The following SYCE2 variants were observed in gnomAD, a reference collection of about 807,000 sequenced individuals.
SYCE2 encodes central element synaptonemal complex 1.
In SYCE2, 3 loss-of-function variants were observed where a neutral mutation model predicts 27.9. The observed-to-expected ratio is 0.11, with a 90% CI of 0.05 to 0.28. SYCE2 has a LOEUF of 0.28. Among genes scored for constraint, SYCE2 ranks in the 10% least tolerant of loss-of-function variants. The probability of loss-of-function intolerance (pLI) is 1.00; values close to 1 mark genes in which losing one functional copy is unlikely to be tolerated. For missense variants in SYCE2, 207 were observed against 263.5 expected, an observed-to-expected ratio of 0.79 and a Z score of 1.48; for synonymous variants, 85 against 100.7, an observed-to-expected ratio of 0.84 and a Z score of 0.93.
At chr19:12,914,850 CCATCTACCT>C (rs1244328307) in intron 2 of SYCE2, among the ~76,000 whole-genome samples, 7 of 152,178 alleles carry the variant, frequency 4.6e-5, no homozygotes, top group Non-Finnish European at 1.0e-4. Context: ...CTCAGGTGAT[CCATCTACCT>C]CGAACTCCCA....
intron 3 of SYCE2, among the ~76,000 whole-genome samples, chr19:12,901,296 A>G (rs910434517): frequency 6.6e-6 from 1 of 152,022 alleles, no homozygotes. Flanking sequence ...GAATTGCTTG[A>G]ACCTGGGAGG....
rs182056038 is a variant in SYCE2, at chr19:12,904,143, C to T, written c.306+349G>A. Among the ~76,000 whole-genome samples the T allele has an allele frequency of 3.8e-3, 575 of 152,284 alleles. 2 individuals carry two copies. The highest frequency in any genetic ancestry group is 0.013 in the African/African-American group (550 of 41,562). ...GGGCTGCGTGTTGGAGGCAGGAGGG[C>T]ATCCAACGCCCCGCTCCCTCAGCCT... On this transcript the variant is annotated intron_variant, in intron 3 of 5. Coordinates refer to ENST00000293695, the MANE Select transcript of SYCE2 (RefSeq NM_001105578.2).
At chr19:12,904,454 AT>A (rs1568434384) in intron 3 of SYCE2, 37 bp downstream of exon 3, 1 of 1,612,536 alleles carries the variant, frequency 6.2e-7, no homozygotes, top group Non-Finnish European at 8.5e-7. Context: ...CCCCTTTTGC[AT>A]AAGGAATCCC....
rs1010187021 is a variant in SYCE2 at position 12,898,889 on chromosome 19, A to T, written c.*452T>A. ...AGGAGCTGGGGAGGAGCAAAGGATG[A>T]GACACCAGGGCATGGGGTGTGGGAT... On this transcript the variant is annotated 3_prime_UTR_variant, in exon 6 of 6. Transcript: ENST00000293695. 1.0e-5 allele frequency: 2 copies of T among 195,342 alleles called. No individual in the cohort carries two copies. The highest frequency in any genetic ancestry group is 2.4e-5 in the African/African-American group (1 of 42,538). 12.1% of individuals were successfully genotyped at this position (195,342 alleles called of 1,614,324 possible). A position where few individuals can be genotyped will look rare whatever the true frequency, so the allele number is the denominator to read the frequency against.
Position 12,904,352 on chromosome 19 carries a change from C to G in SYCE2, c.306+140G>C. 3 of 965,548 alleles carry G rather than the reference C, an allele frequency of 3.1e-6. No homozygotes were observed. In the South Asian group the frequency reaches 4.8e-5, roughly 15 times the overall value. The allele number at this position is 965,548 out of a possible 1,614,324, so 59.8% of individuals were successfully genotyped here. ...TCACAATGGGTTTATTGGGACGTAG[C>G]CCCATCATAAGTGGAGGAGCTCCTG... On this transcript the variant is annotated intron_variant, in intron 3 of 5. Coordinates refer to ENST00000293695, the MANE Select transcript of SYCE2 (RefSeq NM_001105578.2).
At chr19:12,919,222 A>T in intron 1 of SYCE2, 21 bp downstream of exon 1, 2 of 1,610,810 alleles carry the variant, frequency 1.2e-6, no homozygotes, top group Non-Finnish European at 8.5e-7. Flanking sequence ...CACGCGCGAG[A>T]AGGAAACAAG....
rs1970897512 is a variant in SYCE2 at position 12,904,475 on chromosome 19, TG to T, written c.306+16del. On this transcript the variant is annotated intron_variant, in intron 3 of 5. Transcript: ENST00000293695. ...TTGCATAAGGAATCCCCCCTCTCGC[TG>T]GGTGGAGTCTGTCACCTTGGTCTTC... is the stretch of plus-strand genomic sequence containing the variant. 1.2e-6 allele frequency: 2 copies of T among 1,613,832 alleles called. No individual in the cohort carries two copies. Among genetic ancestry groups the T allele is most frequent in the Non-Finnish European group, 8.5e-7 (1 of 1,179,812 alleles).
intron 3 of SYCE2, among the ~76,000 whole-genome samples, chr19:12,901,046 G>A (rs1837656830): frequency 6.6e-6 from 1 of 152,130 alleles, no homozygotes; most frequent in Non-Finnish European, 1.5e-5. Context: ...GCGGGCGCCT[G>A]TAGTCCCAGC....
At chr19:12,912,293 T>C (rs780642645) in intron 2 of SYCE2, among the ~76,000 whole-genome samples, 1 of 151,762 alleles carries the variant, frequency 6.6e-6, no homozygotes, top group Non-Finnish European at 1.5e-5. Context: ...CTACCACAAT[T>C]TCCCCAAACA....
At chr19:12,909,983 C>A (rs537587436) in intron 2 of SYCE2, among the ~76,000 whole-genome samples, 1 of 152,156 alleles carries the variant, frequency 6.6e-6, no homozygotes, top group East Asian at 1.9e-4. Flanking sequence ...TCTCTTGCCT[C>A]GGCCTCCCAA....
intron 2 of SYCE2, among the ~76,000 whole-genome samples, chr19:12,907,654 G>T (rs1459987529): frequency 2.0e-5 from 3 of 152,146 alleles, no homozygotes; most frequent in African/African-American, 7.2e-5. Context: ...ACCCAGGCAT[G>T]GTGGCATGTG....
chr19:12,918,426 C>G, intron 1 of SYCE2, 89 bp from the exon 2 acceptor site: 1 of 1,231,320 alleles, frequency 8.1e-7, no homozygotes, highest in Non-Finnish European at 1.2e-6. Flanking sequence ...CTGGTCACCT[C>G]GATGTGCTGC....
chr19:12,902,642 T>TATAA (rs537016605), intron 3 of SYCE2, among the ~76,000 whole-genome samples: 15 of 151,308 alleles, frequency 9.9e-5, no homozygotes, highest in East Asian at 2.0e-4. Flanking sequence ...CCTCTAAAAA[T>TATAA]ATAAATAAAT....
intron 2 of SYCE2, among the ~76,000 whole-genome samples, chr19:12,906,368 T>C (rs1970934259): frequency 6.6e-6 from 1 of 152,186 alleles, no homozygotes; most frequent in Non-Finnish European, 1.5e-5. Flanking sequence ...GTAACTGTAA[T>C]TATGTAATTC....
intron 3 of SYCE2, among the ~76,000 whole-genome samples, chr19:12,901,461 G>A (rs1316548574): frequency 6.6e-6 from 1 of 151,484 alleles, no homozygotes. Flanking sequence ...GATCACTTGA[G>A]CCCAGGAGTT....
chr19:12,913,762 C>T (rs1971087038), intron 2 of SYCE2, among the ~76,000 whole-genome samples: 1 of 152,200 alleles, frequency 6.6e-6, no homozygotes, highest in South Asian at 2.1e-4. Flanking sequence ...TGTCTCTTCA[C>T]TACACAGATC....
intron 2 of SYCE2, among the ~76,000 whole-genome samples, chr19:12,908,949 AC>A (rs1970992555): frequency 6.6e-6 from 1 of 152,136 alleles, no homozygotes; most frequent in Non-Finnish European, 1.5e-5. Context: ...TATCCCAGCC[AC>A]CATTCCACAA....
rs145442966 is a variant in SYCE2 at position 12,900,061 on chromosome 19, G to C, written c.555C>G (p.Pro185=). Residue 185 remains proline (P), a synonymous_variant, in exon 5 of 6, where the codon CCC becomes CCG. Transcript: ENST00000293695. ...DHSRGKSPPR[P]GNSQPPDVFV... ...ACACGTCTGGGGGCTGTGAGTTGCC[G>C]GGACGTGGTGGGGACTTTCCCCTAG... The C allele has an allele frequency of 7.3e-3, 11,741 of 1,613,594 alleles. 55 individuals are homozygous for C. Among genetic ancestry groups the C allele is most frequent in the Middle Eastern group, 0.013 (77 of 5,786 alleles).
intron 3 of SYCE2, among the ~76,000 whole-genome samples, chr19:12,901,436 A>C (rs1472530603): frequency 6.6e-6 from 1 of 151,408 alleles, no homozygotes; most frequent in Non-Finnish European, 1.5e-5. Flanking sequence ...GCTACTCGGA[A>C]GGCTGAGGCA....
Sources: allele counts gnomAD v4.1 joint callset (sites outside exome capture counted in the v4.1 genomes callset), GRCh38; gene constraint gnomAD v4.1.1; transcripts MANE v1.5; gene names NCBI Gene and HGNC (gene_info 2026-07-23, HGNC 2026-07-21).